GNAQ: variants seen among roughly 807,000 people sequenced by gnomAD.
GNAQ encodes the protein guanine nucleotide-binding protein G(q) subunit alpha.
GNAQ carries 8 observed loss-of-function variants against 43.9 expected under a neutral mutation model. The ratio of observed to expected loss-of-function variants is 0.18; its 90% CI spans 0.11 to 0.33. The LOEUF (loss-of-function observed/expected upper bound fraction) is 0.33, where lower values mean the gene tolerates loss of function less well. Ranked by LOEUF, GNAQ falls within the 10% of genes least tolerant of loss-of-function variation. The probability of loss-of-function intolerance (pLI) is 1.00; values close to 1 mark genes in which losing one functional copy is unlikely to be tolerated. For synonymous variants in GNAQ, 155 were observed against 170.7 expected, an observed-to-expected ratio of 0.91 and a Z score of 0.71; for missense variants, 158 against 450.8, an observed-to-expected ratio of 0.35 and a Z score of 5.88.
At chr9:77,760,828 T>C (rs1426271863) in intron 5 of GNAQ, among the ~76,000 whole-genome samples, 2 of 142,632 alleles carry the variant, frequency 1.4e-5, no homozygotes, top group African/African-American at 5.3e-5. Context: ...CCGCCCATCG[T>C]CTGAGATGTG....
intron 2 of GNAQ, among the ~76,000 whole-genome samples, chr9:77,847,718 G>A (rs1029196798): frequency 3.3e-5 from 5 of 152,294 alleles, no homozygotes; most frequent in South Asian, 2.1e-4. Flanking sequence ...CAAGGCAAAC[G>A]TCTATGCAGG....
intron 5 of GNAQ, among the ~76,000 whole-genome samples, chr9:77,757,602 T>G (rs1181495360): frequency 6.6e-6 from 1 of 152,184 alleles, no homozygotes; most frequent in Non-Finnish European, 1.5e-5. Context: ...ATACCCACTA[T>G]AACATGCTTT....
chr9:77,831,741 C>T (rs528912498), intron 2 of GNAQ, among the ~76,000 whole-genome samples: 5 of 152,286 alleles, frequency 3.3e-5, no homozygotes, highest in Admixed American at 2.0e-4. Context: ...ATAGAGAATA[C>T]ATCTTATCTG....
intron 1 of GNAQ, among the ~76,000 whole-genome samples, chr9:77,984,794 G>A (rs757839004): frequency 2.4e-4 from 36 of 152,124 alleles, no homozygotes; most frequent in Non-Finnish European, 4.3e-4. Flanking sequence ...GAGCCAGAGA[G>A]AGAAACTCCC....
At chr9:77,950,526 C>T (rs574649140) in intron 1 of GNAQ, among the ~76,000 whole-genome samples, 3 of 152,318 alleles carry the variant, frequency 2.0e-5, no homozygotes, top group African/African-American at 7.2e-5. Flanking sequence ...CCAATATCTG[C>T]TTTCTCATGT....
chr9:77,953,876 A>T (rs1823011503), intron 1 of GNAQ, among the ~76,000 whole-genome samples: 1 of 152,146 alleles, frequency 6.6e-6, no homozygotes, highest in Non-Finnish European at 1.5e-5. Flanking sequence ...TGCTGCCAGC[A>T]CAGACAATTT....
chr9:77,721,768 T>C (rs530272291), intron 6 of GNAQ, among the ~76,000 whole-genome samples: 1 of 152,316 alleles, frequency 6.6e-6, no homozygotes, highest in East Asian at 1.9e-4. Flanking sequence ...GTTTATTTCT[T>C]AGCTTGGCCT....
chr9:77,991,638 G>A (rs982237161), intron 1 of GNAQ, among the ~76,000 whole-genome samples: 1 of 151,994 alleles, frequency 6.6e-6, no homozygotes, highest in Non-Finnish European at 1.5e-5. Flanking sequence ...TTCTTTAGAG[G>A]TGATTTCTGA....
At chr9:77,821,727 GTGTGTGTGT>G (rs1587932297) in intron 2 of GNAQ, among the ~76,000 whole-genome samples, 63 of 149,140 alleles carry the variant, frequency 4.2e-4, no homozygotes, top group African/African-American at 7.6e-4. Flanking sequence ...TAGTATGGGT[GTGTGTGTGT>G]GTGTGTGTGT....
chr9:77,996,633 G>A (rs1823570958), intron 1 of GNAQ, among the ~76,000 whole-genome samples: 1 of 142,904 alleles, frequency 7.0e-6, no homozygotes, highest in South Asian at 2.2e-4. Context: ...AGCTGAGATC[G>A]CGCCACTGCA....
intron 2 of GNAQ, among the ~76,000 whole-genome samples, chr9:77,821,826 C>T (rs1038370755): frequency 6.6e-6 from 1 of 151,400 alleles, no homozygotes; most frequent in African/African-American, 2.4e-5. Context: ...TACAAAGTCA[C>T]AGTTGATTTA....
At chr9:77,961,281 G>A (rs1564163630) in intron 1 of GNAQ, among the ~76,000 whole-genome samples, 1 of 152,094 alleles carries the variant, frequency 6.6e-6, no homozygotes. Flanking sequence ...TAACCACACG[G>A]CTTCAGTTTC....
At chr9:77,933,655 G>T (rs990336676) in intron 1 of GNAQ, among the ~76,000 whole-genome samples, 2 of 151,882 alleles carry the variant, frequency 1.3e-5, no homozygotes, top group East Asian at 1.9e-4. Flanking sequence ...AAAAAAAGTG[G>T]CACCATTGAT....
chr9:77,805,607 T>C (rs1826817034), intron 3 of GNAQ, among the ~76,000 whole-genome samples: 1 of 152,234 alleles, frequency 6.6e-6, no homozygotes, highest in South Asian at 2.1e-4. Context: ...GGTTTCACCT[T>C]GTTGGTCAGG....
chr9:77,771,987 C>T (rs1247669963), intron 5 of GNAQ, among the ~76,000 whole-genome samples: 1 of 152,164 alleles, frequency 6.6e-6, no homozygotes, highest in African/African-American at 2.4e-5. Context: ...TGCATTCACC[C>T]TTCCGCCCAA....
At chr9:77,827,726 C>G (rs932406422) in intron 2 of GNAQ, among the ~76,000 whole-genome samples, 2 of 152,072 alleles carry the variant, frequency 1.3e-5, no homozygotes, top group Non-Finnish European at 2.9e-5. Context: ...CACTTACATA[C>G]ATTTTAAATA....
At chr9:78,016,740 T>C (rs1823844066) in intron 1 of GNAQ, among the ~76,000 whole-genome samples, 1 of 152,128 alleles carries the variant, frequency 6.6e-6, no homozygotes, top group African/African-American at 2.4e-5. Context: ...GAAAATCTAA[T>C]TCAAATGATA....
At chr9:77,743,635 C>T (rs1346095754) in intron 5 of GNAQ, among the ~76,000 whole-genome samples, 1 of 149,686 alleles carries the variant, frequency 6.7e-6, no homozygotes, top group Non-Finnish European at 1.5e-5. Context: ...TGGCTAATAT[C>T]CATTTGGATT....
chr9:77,811,477 A>C (rs2118499891), intron 3 of GNAQ, among the ~76,000 whole-genome samples: 1 of 152,306 alleles, frequency 6.6e-6, no homozygotes, highest in East Asian at 1.9e-4. Flanking sequence ...GAAAGGAATT[A>C]TTCTGAGTTA....
Sources: gnomAD v4.1 joint callset for allele counts (sites outside exome capture counted in the v4.1 genomes callset) on GRCh38, gnomAD v4.1.1 for gene constraint, MANE v1.5 for transcripts, NCBI Gene and HGNC (gene_info 2026-07-23, HGNC 2026-07-21) for gene names.